The following BMPER variants were observed in gnomAD, a reference collection of about 807,000 sequenced individuals.
The protein encoded by BMPER is BMP binding endothelial regulator, also known as BMP-binding endothelial regulator protein.
In BMPER, 45 loss-of-function variants were observed where a neutral mutation model predicts 87.3. The observed-to-expected ratio is 0.52, with a 90% CI of 0.41 to 0.66. BMPER has a LOEUF of 0.66. Ranked by LOEUF, BMPER falls within the 30% of genes least tolerant of loss-of-function variation. The pLI is 0.00. For synonymous variants in BMPER, 326 were observed against 316.2 expected, an observed-to-expected ratio of 1.03 and a Z score of -0.33; for missense variants, 784 against 867.5, an observed-to-expected ratio of 0.90 and a Z score of 1.21.
chr7:34,149,226 C>T (rs1313838166), intron 14 of BMPER, among the ~76,000 whole-genome samples: 1 of 152,154 alleles, frequency 6.6e-6, no homozygotes, highest in African/African-American at 2.4e-5. Flanking sequence ...AGATTCAGAG[C>T]AACAACCTTT....
At chr7:34,094,247 T>G (rs752367063) in intron 13 of BMPER, among the ~76,000 whole-genome samples, 12 of 152,230 alleles carry the variant, frequency 7.9e-5, no homozygotes, top group Non-Finnish European at 1.8e-4. Context: ...ATTTGGAACT[T>G]AGCAAGAGAG....
At position 34,037,835 on chromosome 7, in the gene BMPER, G is replaced by T. The variant is rs771044734; in HGVS notation, c.577-8471G>T. ...TTTCACCTTCTAACTAGACATGGGT[G>T]CAGGAAGAAGAAAAAATAAGTGGAT... On this transcript the variant is annotated intron_variant, in intron 6 of 14. Coordinates refer to ENST00000649409, the MANE Select transcript of BMPER (RefSeq NM_001365308.1). Among the ~76,000 whole-genome samples the T allele has an allele frequency of 1.2e-3, 183 of 152,318 alleles. 1 individual carries two copies. The highest frequency in any genetic ancestry group is 0.01 in the Middle Eastern group (3 of 294).
intron 13 of BMPER, among the ~76,000 whole-genome samples, chr7:34,089,641 A>G (rs1302558854): frequency 1.3e-5 from 2 of 151,458 alleles, no homozygotes; most frequent in African/African-American, 4.9e-5. Flanking sequence ...CCACCACCAC[A>G]CCCGGCTAAT....
At chr7:33,906,484 G>A (rs1369894801) in intron 1 of BMPER, among the ~76,000 whole-genome samples, 5 of 151,536 alleles carry the variant, frequency 3.3e-5, no homozygotes, top group South Asian at 2.1e-4. Context: ...TTTTCTTTGC[G>A]TATGGGGCTG....
chr7:34,098,210 G>A (rs995437728), intron 13 of BMPER, among the ~76,000 whole-genome samples: 1 of 152,118 alleles, frequency 6.6e-6, no homozygotes, highest in Non-Finnish European at 1.5e-5. Context: ...CCAGGACCCA[G>A]TAAGGGAGGG....
At chr7:33,922,773 G>C (rs938438890) in intron 2 of BMPER, among the ~76,000 whole-genome samples, 1 of 152,126 alleles carries the variant, frequency 6.6e-6, no homozygotes, top group Non-Finnish European at 1.5e-5. Context: ...GTTAGCTAAC[G>C]GGCTAGCTTG....
intron 11 of BMPER, among the ~76,000 whole-genome samples, chr7:34,064,288 C>CAAA (rs5883444): frequency 1.2e-3 from 173 of 146,378 alleles, no homozygotes; most frequent in Middle Eastern, 3.5e-3. Flanking sequence ...AAGACTCTGT[C>CAAA]AAAAAAAAAA....
At chr7:34,125,415 A>C (rs943984944) in intron 13 of BMPER, among the ~76,000 whole-genome samples, 1 of 152,174 alleles carries the variant, frequency 6.6e-6, no homozygotes, top group Non-Finnish European at 1.5e-5. Flanking sequence ...GCTGTCTTTC[A>C]GTATTTTCAT....
intron 13 of BMPER, among the ~76,000 whole-genome samples, chr7:34,134,836 C>T (rs1055369512): frequency 3.3e-5 from 5 of 152,130 alleles, no homozygotes; most frequent in Admixed American, 6.5e-5. Flanking sequence ...CTGTTAAAAG[C>T]GTACCTCTAC....
chr7:33,994,294 C>T (rs996724677), intron 6 of BMPER, among the ~76,000 whole-genome samples: 7 of 152,168 alleles, frequency 4.6e-5, no homozygotes, highest in Non-Finnish European at 7.3e-5. Flanking sequence ...TAGGACCCTC[C>T]GAGCCAGGTG....
intron 6 of BMPER, among the ~76,000 whole-genome samples, chr7:34,000,824 AT>A (rs145680829): frequency 6.6e-6 from 1 of 151,936 alleles, no homozygotes; most frequent in African/African-American, 2.4e-5. Context: ...CTAGTTGTGG[AT>A]TTTTTTGTAA....
chr7:34,060,500 G>A (rs577360646), intron 10 of BMPER, among the ~76,000 whole-genome samples: 48 of 152,316 alleles, frequency 3.2e-4, no homozygotes, highest in African/African-American at 1.1e-3. Flanking sequence ...CACACTATGG[G>A]ATGACTGGCT....
chr7:34,150,857 A>T (rs1791158184), intron 14 of BMPER, among the ~76,000 whole-genome samples: 1 of 152,180 alleles, frequency 6.6e-6, no homozygotes, highest in Non-Finnish European at 1.5e-5. Context: ...GTGTGTATGT[A>T]GCGAGAGAGA....
At chr7:34,018,280 A>G (rs1183219077) in intron 6 of BMPER, among the ~76,000 whole-genome samples, 1 of 151,920 alleles carries the variant, frequency 6.6e-6, no homozygotes, top group Middle Eastern at 3.2e-3. Flanking sequence ...TTTCTCTCTT[A>G]GCAACCACAT....
intron 14 of BMPER, among the ~76,000 whole-genome samples, chr7:34,148,730 C>A (rs1388540676): frequency 6.6e-6 from 1 of 151,828 alleles, no homozygotes; most frequent in Non-Finnish European, 1.5e-5. Flanking sequence ...GAAAGGTAGA[C>A]TAGAAGAAAG....
At chr7:34,069,904 ATTCT>A (rs1488600769) in intron 11 of BMPER, among the ~76,000 whole-genome samples, 1 of 152,106 alleles carries the variant, frequency 6.6e-6, no homozygotes, top group East Asian at 1.9e-4. Context: ...GAATGCTGTC[ATTCT>A]TTCTTCTTAT....
At chr7:34,146,026 C>G (rs939342280) in intron 14 of BMPER, among the ~76,000 whole-genome samples, 1 of 151,968 alleles carries the variant, frequency 6.6e-6, no homozygotes, top group South Asian at 2.1e-4. Flanking sequence ...CACACATTCT[C>G]TCTCTCTCAC....
chr7:33,974,647 C>T, intron 5 of BMPER, 55 bp from the exon 6 acceptor site: 2 of 1,533,550 alleles, frequency 1.3e-6, no homozygotes, highest in African/African-American at 1.4e-5. Context: ...AGGATTGTGT[C>T]AGGTTGAACG....
intron 12 of BMPER, among the ~76,000 whole-genome samples, chr7:34,083,269 T>G (rs772163341): frequency 2.1e-4 from 32 of 152,214 alleles, no homozygotes; most frequent in Non-Finnish European, 4.0e-4. Context: ...CTCACAGAGA[T>G]CCACATGGGA....
Sources: allele counts gnomAD v4.1 joint callset (sites outside exome capture counted in the v4.1 genomes callset), GRCh38; gene constraint gnomAD v4.1.1; transcripts MANE v1.5; gene names NCBI Gene and HGNC (gene_info 2026-07-23, HGNC 2026-07-21).